Variants in PLCB3 observed in about 807,000 individuals in gnomAD.
The protein encoded by PLCB3 is 1-phosphatidylinositol 4,5-bisphosphate phosphodiesterase beta-3.
Under a neutral mutation model 152.1 loss-of-function variants are expected in PLCB3, and 54 were observed. The observed-to-expected ratio is 0.36, with a 90% CI of 0.29 to 0.45. The LOEUF is 0.45. Among genes scored for constraint, PLCB3 ranks in the 20% least tolerant of loss-of-function variants. The probability of loss-of-function intolerance (pLI) is 1.00; values close to 1 mark genes in which losing one functional copy is unlikely to be tolerated. For synonymous variants in PLCB3, 717 were observed against 698.7 expected, an observed-to-expected ratio of 1.03 and a Z score of -0.41; for missense variants, 1,248 against 1,687.5, an observed-to-expected ratio of 0.74 and a Z score of 4.56.
chr11:64,257,808 A>G (rs554377635), intron 10 of PLCB3, among the ~76,000 whole-genome samples: 128 of 151,980 alleles, frequency 8.4e-4, no homozygotes, highest in African/African-American at 2.9e-3. Flanking sequence ...AGAAGAGGTG[A>G]TGTGACCTGA....
intron 1 of PLCB3, among the ~76,000 whole-genome samples, chr11:64,252,099 A>C (rs2031240721): frequency 6.6e-6 from 1 of 150,986 alleles, no homozygotes; most frequent in South Asian, 2.1e-4. Context: ...CCAGCACTAG[A>C]CTCCCCGGCT....
At position 64,265,798 on chromosome 11, in the gene PLCB3, G is replaced by A. The variant is rs1363126452; in HGVS notation, c.3036-88G>A. 5 of 1,487,990 alleles carry A rather than the reference G, an allele frequency of 3.4e-6. No homozygotes were observed. In the African/African-American group the frequency reaches 4.2e-5, roughly 12 times the overall value. The allele number at this position is 1,487,990 out of a possible 1,614,324, so 92.2% of individuals were successfully genotyped here. On this transcript the variant is annotated intron_variant, in intron 25 of 30. Transcript: ENST00000279230. ...GCCCCATGGGATGGTGTCTGCCATC[G>A]CTTGCCAGGATGTGCCCCCCTACAC...
Position 64,258,578 on chromosome 11 carries a change from A to G in PLCB3, c.1118A>G (p.Glu373Gly). Reference sequence around the variant, plus strand: ...GTGTGGAAGGGACGGCCGCCTGAGGAGGAACCCTTCATTACCCACGGCTTC... The same window carrying G: ...GTGTGGAAGGGACGGCCGCCTGAGGGGGAACCCTTCATTACCCACGGCTTC... ...LDVWKGRPPE[E>G]EPFITHGFTM... is the part of the protein sequence containing the mutation. Residue 373 changes from glutamate (E) to glycine (G), a missense_variant, in exon 11 of 31, where the codon GAG (glutamate) becomes GGG (glycine). By Grantham distance (98) the Glu-to-Gly change is moderately conservative. Coordinates refer to ENST00000279230, the MANE Select transcript of PLCB3 (RefSeq NM_000932.5). The surrounding 1 kb of genome is among the most constrained non-coding windows in gnomAD (Gnocchi z 7.2). 6.2e-7 allele frequency: 1 copy of G among 1,613,964 alleles called. No individual in the cohort carries two copies. Among genetic ancestry groups the G allele is most frequent in the Non-Finnish European group, 8.5e-7 (1 of 1,179,994 alleles).
In PLCB3 at chr11:64,254,498, G is replaced by A. The variant is rs1417829089; in HGVS notation, c.177+6G>A. On this transcript the variant is annotated splice_donor_region_variant and intron_variant, in intron 2 of 30. Coordinates refer to ENST00000279230, the MANE Select transcript of PLCB3 (RefSeq NM_000932.5). ...ACTGGACGGGCCCCAACATGGTGAGGGTGGGCGCTGGTGCAGCTCGCTCAG... is the reference window on the plus strand; with the variant it reads ...ACTGGACGGGCCCCAACATGGTGAGAGTGGGCGCTGGTGCAGCTCGCTCAG... 6.2e-7 allele frequency: 1 copy of A among 1,612,712 alleles called. No homozygotes were observed. Among genetic ancestry groups the A allele is most frequent in the South Asian group, 1.1e-5 (1 of 91,060 alleles).
chr11:64,255,627 T>TGGGGG lies in PLCB3; in HGVS notation c.597+15_597+16insGGGGG. ...CTCAAATTCAACCGGGTGTGTGGGG[T>TGGGGG]GGGGACAGGGGCGGGGTGGGGTGTC... On this transcript the variant is annotated intron_variant, in intron 7 of 30. Coordinates refer to ENST00000279230, the MANE Select transcript of PLCB3 (RefSeq NM_000932.5). The surrounding 1 kb of genome is among the most constrained non-coding windows in gnomAD (Gnocchi z 6.8). 1.9e-6 allele frequency: 1 copy of TGGGGG among 536,868 alleles called. No homozygotes were observed. Among genetic ancestry groups the TGGGGG allele is most frequent in the Non-Finnish European group, 3.5e-6 (1 of 287,238 alleles). The allele number at this position is 536,868 out of a possible 1,614,324, so 33.3% of individuals were successfully genotyped here. A position where few individuals can be genotyped will look rare whatever the true frequency, so the allele number is the denominator to read the frequency against.
At chr11:64,256,041 G>A (rs1287654077) in intron 8 of PLCB3, among the ~76,000 whole-genome samples, 1 of 152,132 alleles carries the variant, frequency 6.6e-6, no homozygotes, top group East Asian at 1.9e-4. Flanking sequence ...CCCTGTGCCA[G>A]GGTTGGTTTA....
intron 1 of PLCB3, 79 bp downstream of exon 1, chr11:64,251,827 C>A (rs2031219624): frequency 1.2e-6 from 1 of 802,272 alleles, no homozygotes. Context: ...GGACCCCCAC[C>A]CCAGCCTCGC....
Position 64,261,430 on chromosome 11 carries a change from G to A in PLCB3, c.1762G>A (p.Glu588Lys). 6.2e-7 allele frequency: 1 copy of A among 1,614,140 alleles called. No individual in the cohort carries two copies. The highest frequency in any genetic ancestry group is 8.5e-7 in the Non-Finnish European group (1 of 1,180,000). ...GTASSEVNATEEMSTLVNYIE... is the reference protein window; with the variant it reads ...GTASSEVNATKEMSTLVNYIE... The stretch of plus-strand genomic sequence containing the variant: ...AGCCAGCAGCGAGGTGAATGCCACT[G>A]AGGAGATGTCCACGCTTGTCAACTA... Residue 588 changes from glutamate to lysine, a missense_variant, in exon 15 of 31, where the codon GAG (glutamate) becomes AAG (lysine). Physicochemically the swap from Glu to Lys is moderately conservative, Grantham distance 56. Coordinates refer to ENST00000279230, the MANE Select transcript of PLCB3 (RefSeq NM_000932.5).
chr11:64,267,488 G>T lies in PLCB3; in HGVS notation c.3637G>T (p.Ala1213Ser), dbSNP rs146327074. 3.8e-6 allele frequency: 6 copies of T among 1,567,608 alleles called. No homozygotes were observed. The South Asian group carries it at 7.0e-5, about 18-fold the overall frequency. The change falls in exon 31 of 31, where the codon GCA becomes TCA. Residue 1213 changes from alanine to serine, a missense_variant. By Grantham distance (99) the Ala-to-Ser change is moderately conservative (BLOSUM62 1). Coordinates refer to ENST00000279230, the MANE Select transcript of PLCB3 (RefSeq NM_000932.5). The surrounding 1 kb of genome is among the most constrained non-coding windows in gnomAD (Gnocchi z 5.2). ...GGTGGCCTGTGCCAGCAACGGTCAC[G>T]CACCCGGGAGCAGCGGGCACCTGTC... The part of the protein sequence containing the change: ...PLVACASNGH[A>S]PGSSGHLSGA...
intron 1 of PLCB3, among the ~76,000 whole-genome samples, chr11:64,253,068 G>A (rs1185799080): frequency 6.6e-6 from 1 of 152,220 alleles, no homozygotes; most frequent in African/African-American, 2.4e-5. Flanking sequence ...TCTGTTCCCA[G>A]ATGAACGCCC....
intron 19 of PLCB3, among the ~76,000 whole-genome samples, chr11:64,263,046 G>A (rs1029786668): frequency 6.6e-6 from 1 of 152,188 alleles, no homozygotes; most frequent in South Asian, 2.1e-4. Flanking sequence ...TAGACGTCTT[G>A]TGTCCCCTGC....
chr11:64,265,471 G>A lies in PLCB3; in HGVS notation c.3004G>A (p.Glu1002Lys). The change falls in exon 25 of 31, where the codon GAG (glutamate) becomes AAG (lysine). Residue 1002 changes from glutamate (E) to lysine (K), a missense_variant. Physicochemically the swap from Glu to Lys is moderately conservative, Grantham distance 56. Around this residue, in one of 6 missense-constraint regions of PLCB3, gnomAD observed 477 missense variants for 489.6 expected, o/e 0.97. Coordinates refer to ENST00000279230, the MANE Select transcript of PLCB3 (RefSeq NM_000932.5). ...GGATGGCCTGGCTCAGGCACAGGCTGAGGGCAGGTGCCGGCTGCGGCCAGG... is the reference window on the plus strand; with the variant it reads ...GGATGGCCTGGCTCAGGCACAGGCTAAGGGCAGGTGCCGGCTGCGGCCAGG... The part of the protein sequence containing the change: ...LLDGLAQAQA[E>K]GRCRLRPGAL... The A allele has an allele frequency of 6.2e-7, 1 of 1,606,684 alleles. No individual in the cohort carries two copies. Among genetic ancestry groups the A allele is most frequent in the Non-Finnish European group, 8.5e-7 (1 of 1,179,088 alleles).
At chr11:64,256,835 G>A in intron 10 of PLCB3, 71 bp downstream of exon 10, 1 of 1,521,942 alleles carries the variant, frequency 6.6e-7, no homozygotes, top group Non-Finnish European at 9.0e-7. Context: ...CTCCTCCTGG[G>A]GCACAGTCCT....
rs755260130 is a variant in PLCB3 at position 64,266,286 on chromosome 11, CCCT to C, written c.3267-24_3267-22del. 1 of 1,613,560 alleles carries C rather than the reference CCCT, an allele frequency of 6.2e-7. No individual in the cohort carries two copies. ...CAGAGTCTGTGCTTCTGCCGCTGAC[CCCT>C]CCTCTTCCCCTGCCGGCTTCTCCAG... On this transcript the variant is annotated intron_variant, in intron 27 of 30. Coordinates refer to ENST00000279230, the MANE Select transcript of PLCB3 (RefSeq NM_000932.5). The surrounding 1 kb of genome is among the most constrained non-coding windows in gnomAD (Gnocchi z 4.9).
Position 64,265,632 on chromosome 11 carries a change from G to C in PLCB3, c.3035+130G>C, listed in dbSNP as rs957283827. 9 of 1,416,426 alleles carry C rather than the reference G, an allele frequency of 6.4e-6. No homozygotes were observed. The African/African-American group carries it at 1.1e-4, about 18-fold the overall frequency. The allele number at this position is 1,416,426 out of a possible 1,614,324, so 87.7% of individuals were successfully genotyped here. A position where few individuals can be genotyped will look rare whatever the true frequency, so the allele number is the denominator to read the frequency against. ...GGGAGGAGGGTTCAGTGCAAGGATG[G>C]AGGAGGCTTTCCACACCAGGCGTCC... is the stretch of plus-strand genomic sequence containing the variant. On this transcript the variant is annotated intron_variant, in intron 25 of 30. Transcript: ENST00000279230.
intron 1 of PLCB3, among the ~76,000 whole-genome samples, chr11:64,252,227 C>CCTGTT (rs918855732): frequency 2.0e-5 from 3 of 152,068 alleles, no homozygotes; most frequent in Non-Finnish European, 4.4e-5. Context: ...CATTTTTCCC[C>CCTGTT]CTGTTCTGGT....
downstream of PLCB3, chr11:64,268,973 C>A (rs1480864948): frequency 6.6e-6 from 1 of 152,284 alleles, no homozygotes; most frequent in Non-Finnish European, 1.5e-5. Flanking sequence ...TGGGACGCTG[C>A]CCTATCCCCC....
intron 25 of PLCB3, 66 bp from the exon 26 acceptor site, chr11:64,265,820 A>G (rs1427967186): frequency 3.2e-6 from 5 of 1,558,604 alleles, no homozygotes; most frequent in Non-Finnish European, 4.4e-6. Context: ...GTGCCCCCCT[A>G]CACACCCTCC....
chr11:64,251,754 C>A lies in PLCB3; in HGVS notation c.99+6C>A. 1.4e-6 allele frequency: 2 copies of A among 1,422,960 alleles called. No homozygotes were observed. The highest frequency in any genetic ancestry group is 1.9e-6 in the Non-Finnish European group (2 of 1,073,322). The allele number at this position is 1,422,960 out of a possible 1,614,324, so 88.1% of individuals were successfully genotyped here. On this transcript the variant is annotated splice_donor_region_variant and intron_variant, in intron 1 of 30. Coordinates refer to ENST00000279230, the MANE Select transcript of PLCB3 (RefSeq NM_000932.5). The stretch of plus-strand genomic sequence containing the variant: ...AGTTCATCAAATGGGACGAGGTAAG[C>A]GCGCGGGCCCCTGCTCCGCCCAAAT...
Sources: allele counts gnomAD v4.1 joint callset (sites outside exome capture counted in the v4.1 genomes callset), GRCh38; gene constraint gnomAD v4.1.1; regional missense constraint gnomAD v4.1.1; non-coding constraint Gnocchi (gnomAD v3.1); transcripts MANE v1.5; gene names NCBI Gene and HGNC (gene_info 2026-07-23, HGNC 2026-07-21).